Variants in TMEM108 observed in about 807,000 individuals in gnomAD.
TMEM108 encodes the protein transmembrane protein 108.
A neutral mutation model predicts 35.1 loss-of-function variants in TMEM108; 12 were observed. That is an observed-to-expected ratio of 0.34 (90% CI 0.22 to 0.55). TMEM108 has a LOEUF of 0.55. TMEM108 is among the 20% of genes least tolerant of loss of function. TMEM108 has a pLI of 0.89. For synonymous variants in TMEM108, 287 were observed against 308.6 expected, an observed-to-expected ratio of 0.93 and a Z score of 0.73; for missense variants, 680 against 753.3, an observed-to-expected ratio of 0.90 and a Z score of 1.14.
intron 2 of TMEM108, among the ~76,000 whole-genome samples, chr3:133,076,451 C>T (rs1309835325): frequency 3.3e-5 from 5 of 152,078 alleles, no homozygotes; most frequent in African/African-American, 1.2e-4. Flanking sequence ...TCGCTTACTG[C>T]TTATTTCTGT....
chr3:133,317,673 A>G (rs2071216539), intron 3 of TMEM108, among the ~76,000 whole-genome samples: 1 of 152,238 alleles, frequency 6.6e-6, no homozygotes, highest in Non-Finnish European at 1.5e-5. Flanking sequence ...GCCCCAAATA[A>G]TAAGAACCAA....
chr3:133,146,168 A>G (rs563327135), intron 2 of TMEM108, among the ~76,000 whole-genome samples: 1 of 152,352 alleles, frequency 6.6e-6, no homozygotes, highest in Admixed American at 6.5e-5. Context: ...GAGAGTTTTT[A>G]GCATGAAGCG....
At chr3:133,392,782 T>A (rs923482445) in intron 5 of TMEM108, among the ~76,000 whole-genome samples, 4 of 152,134 alleles carry the variant, frequency 2.6e-5, no homozygotes, top group African/African-American at 9.7e-5. Context: ...GACCAGCACC[T>A]CTCATTGCCT....
At chr3:133,066,781 A>G (rs927128366) in intron 2 of TMEM108, among the ~76,000 whole-genome samples, 10 of 152,176 alleles carry the variant, frequency 6.6e-5, no homozygotes, top group Non-Finnish European at 1.5e-4. Context: ...GAAGCCCCCA[A>G]TGTGCTCTTT....
At chr3:133,094,916 C>T (rs1425745082) in intron 2 of TMEM108, among the ~76,000 whole-genome samples, 1 of 151,958 alleles carries the variant, frequency 6.6e-6, no homozygotes, top group Admixed American at 6.6e-5. Context: ...TAATTTGTAT[C>T]CCAATGCCTG....
intron 3 of TMEM108, among the ~76,000 whole-genome samples, chr3:133,367,036 A>G (rs1227192287): frequency 6.6e-6 from 1 of 152,112 alleles, no homozygotes; most frequent in Admixed American, 6.6e-5. Context: ...CCCCCTAACA[A>G]CCTCCACCTG....
At chr3:133,152,799 A>G (rs1414253688) in intron 2 of TMEM108, among the ~76,000 whole-genome samples, 1 of 152,174 alleles carries the variant, frequency 6.6e-6, no homozygotes, top group Non-Finnish European at 1.5e-5. Flanking sequence ...GTGCATTGGA[A>G]CACAACAAGC....
chr3:133,153,884 T>C (rs1479884876), intron 2 of TMEM108, among the ~76,000 whole-genome samples: 1 of 152,116 alleles, frequency 6.6e-6, no homozygotes, highest in Non-Finnish European at 1.5e-5. Flanking sequence ...GAAGCACATA[T>C]ATATATAGTC....
chr3:133,058,267 G>C (rs998641957), intron 2 of TMEM108, among the ~76,000 whole-genome samples: 24 of 152,134 alleles, frequency 1.6e-4, no homozygotes, highest in African/African-American at 5.6e-4. Flanking sequence ...CAGCTAATCA[G>C]AACTTTTCTC....
At chr3:133,040,206 G>GTTTTT (rs375124979) in intron 1 of TMEM108, among the ~76,000 whole-genome samples, 29 of 129,914 alleles carry the variant, frequency 2.2e-4, no homozygotes, top group Non-Finnish European at 3.3e-4. Flanking sequence ...TTGTTTGTTT[G>GTTTTT]TTTTTTTTTT....
chr3:133,136,642 C>G (rs1054034205), intron 2 of TMEM108, among the ~76,000 whole-genome samples: 26 of 152,186 alleles, frequency 1.7e-4, no homozygotes, highest in African/African-American at 6.0e-4. Flanking sequence ...AGCCTGAAAC[C>G]TGAACAGGGC....
At chr3:133,191,108 C>T (rs186427278) in intron 2 of TMEM108, among the ~76,000 whole-genome samples, 44 of 152,030 alleles carry the variant, frequency 2.9e-4, no homozygotes, top group Non-Finnish European at 6.0e-4. Context: ...ATTGAAGTGA[C>T]AGACTATATT....
intron 2 of TMEM108, among the ~76,000 whole-genome samples, chr3:133,174,274 C>G (rs1247609319): frequency 6.6e-6 from 1 of 152,254 alleles, no homozygotes; most frequent in Non-Finnish European, 1.5e-5. Context: ...AAACAAAAGG[C>G]AGCAGAATCC....
chr3:133,385,258 A>C (rs1267945865), intron 4 of TMEM108, among the ~76,000 whole-genome samples: 1 of 152,218 alleles, frequency 6.6e-6, no homozygotes, highest in African/African-American at 2.4e-5. Context: ...CGGATCAAAC[A>C]GGGATGGGAG....
intron 4 of TMEM108, chr3:133,387,975 C>A (rs2073178338): frequency 2.0e-5 from 20 of 985,412 alleles, no homozygotes; most frequent in Non-Finnish European, 2.4e-5. Flanking sequence ...ATCTGACTCA[C>A]AGATACACTT....
intron 2 of TMEM108, among the ~76,000 whole-genome samples, chr3:133,127,475 A>G (rs17361457): frequency 0.14 from 20,480 of 142,836 alleles, 1,430 homozygotes; most frequent in Admixed American, 0.18. Context: ...CCACAGACAA[A>G]GAGTTGATGT....
At chr3:133,202,096 T>G (rs1192278247) in intron 2 of TMEM108, among the ~76,000 whole-genome samples, 1 of 152,246 alleles carries the variant, frequency 6.6e-6, no homozygotes, top group Non-Finnish European at 1.5e-5. Flanking sequence ...TATAAATGTC[T>G]TCTTTTGATA....
At chr3:133,160,086 G>A (rs770159551) in intron 2 of TMEM108, among the ~76,000 whole-genome samples, 3 of 152,198 alleles carry the variant, frequency 2.0e-5, no homozygotes, top group Non-Finnish European at 4.4e-5. Flanking sequence ...GGATTTTCCT[G>A]TGGTGTGCTT....
intron 3 of TMEM108, among the ~76,000 whole-genome samples, chr3:133,376,994 C>A (rs1031291163): frequency 6.6e-6 from 1 of 152,178 alleles, no homozygotes; most frequent in African/African-American, 2.4e-5. Flanking sequence ...CCTTGGCTTG[C>A]AGATGGCGTC....
Sources: gnomAD v4.1 joint callset for allele counts (sites outside exome capture counted in the v4.1 genomes callset) on GRCh38, gnomAD v4.1.1 for gene constraint, MANE v1.5 for transcripts, NCBI Gene and HGNC (gene_info 2026-07-23, HGNC 2026-07-21) for gene names.